The following MCRIP1 variants were observed in gnomAD, a reference collection of about 807,000 sequenced individuals.
MCRIP1 encodes the protein mapk-regulated corepressor-interacting protein 1.
In MCRIP1, 10 loss-of-function variants were observed where a neutral mutation model predicts 14.4. That is an observed-to-expected ratio of 0.70 (90% CI 0.43 to 1.18). The LOEUF (loss-of-function observed/expected upper bound fraction) is 1.18. Among genes scored for constraint, MCRIP1 ranks in the 50% most tolerant of loss-of-function variants. MCRIP1 has a pLI of 0.00. For synonymous variants in MCRIP1, 53 were observed against 55.7 expected, an observed-to-expected ratio of 0.95 and a Z score of 0.21; for missense variants, 119 against 135.4, an observed-to-expected ratio of 0.88 and a Z score of 0.60.
At chr17:81,825,865 G>A (rs1312036979) in intron 1 of MCRIP1, 1 of 1,290,156 alleles carries the variant, frequency 7.8e-7, no homozygotes, top group Admixed American at 2.3e-5. Flanking sequence ...GAGCACGGAG[G>A]GAAAGGCCTG....
intron 1 of MCRIP1, chr17:81,826,631 C>T (rs1003308241): frequency 4.0e-6 from 2 of 496,814 alleles, no homozygotes; most frequent in Admixed American, 3.8e-5. Flanking sequence ...AGCAGCCTGG[C>T]GAACATGGTG....
intron 1 of MCRIP1, among the ~76,000 whole-genome samples, chr17:81,829,509 CTG>C (rs1230365572): frequency 6.6e-6 from 1 of 152,256 alleles, no homozygotes; most frequent in African/African-American, 2.4e-5. Flanking sequence ...CCCACTGCCT[CTG>C]AGAGTTTTCT....
intron 3 of MCRIP1, 114 bp downstream of exon 3, chr17:81,824,172 TG>T: frequency 1.2e-6 from 1 of 836,996 alleles, no homozygotes; most frequent in Non-Finnish European, 1.9e-6. Flanking sequence ...ATCTGTGCCC[TG>T]GAGGGGCAGG....
intron 1 of MCRIP1, among the ~76,000 whole-genome samples, chr17:81,828,060 G>C (rs919924821): frequency 2.0e-5 from 3 of 152,026 alleles, no homozygotes; most frequent in African/African-American, 7.3e-5. Context: ...GATTACAGGT[G>C]TGAGCTACCA....
chr17:81,824,643 C>A, intron 1 of MCRIP1, 89 bp from the exon 2 acceptor site: 1 of 1,527,444 alleles, frequency 6.5e-7, no homozygotes, highest in South Asian at 1.2e-5. Flanking sequence ...CCTGCCTCCT[C>A]CCTTCAGATG....
At chr17:81,826,262 C>CCTACCTGCACACACCTTA in intron 1 of MCRIP1, 2 of 1,530,964 alleles carry the variant, frequency 1.3e-6, no homozygotes, top group Non-Finnish European at 1.7e-6. Flanking sequence ...CCCACACATA[C>CCTACCTGCACACACCTTA]CTACCTGCAC....
At chr17:81,831,648 A>G (rs2038523201) in intron 1 of MCRIP1, among the ~76,000 whole-genome samples, 1 of 152,020 alleles carries the variant, frequency 6.6e-6, no homozygotes, top group Non-Finnish European at 1.5e-5. Context: ...TGGACCAGAA[A>G]GATACCCTGA....
rs141921233 is a variant in MCRIP1, at chr17:81,825,040, C to T, written c.-48-486G>A. ...CTTCTGCTGAGCCTTGATTTCCTTTCTGTAAAACGGGGATGAGCTTCCTAA... is the reference window on the plus strand; with the variant it reads ...CTTCTGCTGAGCCTTGATTTCCTTTTTGTAAAACGGGGATGAGCTTCCTAA... On this transcript the variant is annotated intron_variant, in intron 1 of 4. Coordinates refer to ENST00000455127, the MANE Select transcript of MCRIP1 (RefSeq NM_207368.5). 413 of 1,016,622 alleles carry T rather than the reference C, an allele frequency of 4.1e-4. 2 individuals carry two copies. The African/African-American group carries it at 6.7e-3, about 17-fold the overall frequency. 63.0% of individuals were successfully genotyped at this position (1,016,622 alleles called of 1,614,324 possible). A position where few individuals can be genotyped will look rare whatever the true frequency, so the allele number is the denominator to read the frequency against.
rs557815282 is a variant in MCRIP1 at position 81,823,961 on chromosome 17, C to A, written c.127+326G>T. The A allele has an allele frequency of 1.1e-5, 6 of 527,418 alleles. No homozygotes were observed. The highest frequency in any genetic ancestry group is 1.7e-5 in the Non-Finnish European group (5 of 299,064). The allele number at this position is 527,418 out of a possible 1,614,324, so 32.7% of individuals were successfully genotyped here. On this transcript the variant is annotated intron_variant, in intron 3 of 4. Transcript: ENST00000455127. This position sits in a 1 kb window ranked among gnomAD's most constrained non-coding sequence, Gnocchi z 6.0. ...GCCTGTCTGTCTTCAAAGGCCCCTC[C>A]CTTTCCCCAGCAAACTCCTCCAGTG...
chr17:81,829,405 G>A (rs145044911), intron 1 of MCRIP1, among the ~76,000 whole-genome samples: 3,025 of 152,280 alleles, frequency 0.02, 113 homozygotes, highest in African/African-American at 0.069. Context: ...GCGATGCCTC[G>A]GTCCCGTTTT....
intron 1 of MCRIP1, among the ~76,000 whole-genome samples, chr17:81,827,433 A>G (rs2038431009): frequency 2.0e-5 from 3 of 151,512 alleles, no homozygotes; most frequent in East Asian, 2.0e-4. Context: ...CACCACGCCC[A>G]GCTAATTTTT....
rs1392250074 is a variant in MCRIP1 at position 81,823,699 on chromosome 17, C to T, written c.128-186G>A. The T allele has an allele frequency of 3.9e-5, 24 of 616,190 alleles. No homozygotes were observed. The highest frequency in any genetic ancestry group is 6.9e-5 in the Non-Finnish European group (24 of 346,318). 38.2% of individuals were successfully genotyped at this position (616,190 alleles called of 1,614,324 possible). Reference sequence around the variant, plus strand: ...TCACCTGCAGACCCCGTCCCCGCTCCTCTGGCAGGCCTGTCCCTTCCCCGC... The same window carrying T: ...TCACCTGCAGACCCCGTCCCCGCTCTTCTGGCAGGCCTGTCCCTTCCCCGC... On this transcript the variant is annotated intron_variant, in intron 3 of 4. Coordinates refer to ENST00000455127, the MANE Select transcript of MCRIP1 (RefSeq NM_207368.5). The surrounding 1 kb of genome is among the most constrained non-coding windows in gnomAD (Gnocchi z 6.0).
Position 81,823,226 on chromosome 17 carries a change from C to A in MCRIP1, c.*21G>T. ...CCTCGCACCCTGATCTTCCGGAGGC[C>A]GGGGAGGGGCACCGGGCGCTCTAGG... is the stretch of plus-strand genomic sequence containing the variant. On this transcript the variant is annotated 3_prime_UTR_variant, in exon 5 of 5. Coordinates refer to ENST00000455127, the MANE Select transcript of MCRIP1 (RefSeq NM_207368.5). The surrounding 1 kb of genome is among the most constrained non-coding windows in gnomAD (Gnocchi z 6.0). 6.5e-7 allele frequency: 1 copy of A among 1,535,620 alleles called. No individual in the cohort carries two copies. The highest frequency in any genetic ancestry group is 1.2e-5 in the South Asian group (1 of 84,026).
chr17:81,824,894 C>A, intron 1 of MCRIP1: 1 of 1,205,064 alleles, frequency 8.3e-7, no homozygotes, highest in Admixed American at 4.2e-5. Context: ...GAGCCCCTCC[C>A]CACGTGGGCT....
At chr17:81,832,167 C>T (rs759173184) in intron 1 of MCRIP1, among the ~76,000 whole-genome samples, 20 of 152,176 alleles carry the variant, frequency 1.3e-4, no homozygotes, top group Non-Finnish European at 2.6e-4. Flanking sequence ...TCTAAGACTC[C>T]ACTTTCTCTT....
chr17:81,826,490 T>G, intron 1 of MCRIP1: 1 of 819,434 alleles, frequency 1.2e-6, no homozygotes, highest in Non-Finnish European at 1.9e-6. Context: ...GGCACTGCAC[T>G]CCAGCCCAGG....
Position 81,823,120 on chromosome 17 carries a change from G to C in MCRIP1, c.*127C>G. 1.1e-6 allele frequency: 1 copy of C among 877,004 alleles called. No individual in the cohort carries two copies. Among genetic ancestry groups the C allele is most frequent in the Non-Finnish European group, 1.8e-6 (1 of 554,728 alleles). 54.3% of individuals were successfully genotyped at this position (877,004 alleles called of 1,614,324 possible). On this transcript the variant is annotated 3_prime_UTR_variant, in exon 5 of 5. Transcript: ENST00000455127. This position sits in a 1 kb window ranked among gnomAD's most constrained non-coding sequence, Gnocchi z 6.0. ...GAGGCAGGCCTCAGCCGTCAGTCACGCCAGTGCTGGGATCTGCAGCCCGCT... is the reference window on the plus strand; with the variant it reads ...GAGGCAGGCCTCAGCCGTCAGTCACCCCAGTGCTGGGATCTGCAGCCCGCT...
intron 1 of MCRIP1, among the ~76,000 whole-genome samples, chr17:81,826,817 C>CAA (rs1169330913): frequency 2.7e-3 from 127 of 46,950 alleles, no homozygotes; most frequent in African/African-American, 4.1e-3. Flanking sequence ...GACTCCATCT[C>CAA]AAAAAAAAAA....
intron 1 of MCRIP1, among the ~76,000 whole-genome samples, chr17:81,829,841 G>A (rs1170553850): frequency 6.6e-6 from 1 of 152,188 alleles, no homozygotes; most frequent in East Asian, 1.9e-4. Context: ...CAGGACAGGT[G>A]GACACAGATG....
Sources: gnomAD v4.1 joint callset for allele counts (sites outside exome capture counted in the v4.1 genomes callset) on GRCh38, gnomAD v4.1.1 for gene constraint, Gnocchi (gnomAD v3.1) non-coding constraint, MANE v1.5 for transcripts, NCBI Gene and HGNC (gene_info 2026-07-23, HGNC 2026-07-21) for gene names.